Variants in RBFOX1 observed in about 807,000 individuals in gnomAD.
RBFOX1 encodes RNA binding protein fox-1 homolog 1.
Under a neutral mutation model 57.7 loss-of-function variants are expected in RBFOX1, and 8 were observed. The observed-to-expected ratio is 0.14, with a 90% CI of 0.08 to 0.25. The LOEUF (loss-of-function observed/expected upper bound fraction) is 0.25, where lower values mean the gene tolerates loss of function less well. Ranked by LOEUF, RBFOX1 falls within the 10% of genes least tolerant of loss-of-function variation. The pLI, the probability that RBFOX1 is intolerant of heterozygous loss-of-function variation, is 1.00. For synonymous variants in RBFOX1, 326 were observed against 222.4 expected, an observed-to-expected ratio of 1.47 and a Z score of -4.15; for missense variants, 611 against 548.5, an observed-to-expected ratio of 1.11 and a Z score of -1.14.
At chr16:6,960,430 G>A (rs1013994720) in intron 3 of RBFOX1, among the ~76,000 whole-genome samples, 1 of 152,198 alleles carries the variant, frequency 6.6e-6, no homozygotes, top group South Asian at 2.1e-4. Flanking sequence ...CCCTGTACCC[G>A]GTTACAGGAA....
At chr16:7,169,692 T>C (rs1265789324) in intron 4 of RBFOX1, among the ~76,000 whole-genome samples, 1 of 152,230 alleles carries the variant, frequency 6.6e-6, no homozygotes, top group African/African-American at 2.4e-5. Flanking sequence ...ACTACACCAA[T>C]GTCAAGACTA....
intron 4 of RBFOX1, among the ~76,000 whole-genome samples, chr16:7,290,065 CTG>C (rs1293768750): frequency 2.0e-5 from 3 of 152,202 alleles, no homozygotes; most frequent in African/African-American, 7.2e-5. Context: ...TGGCACACCA[CTG>C]TTTCTCAGAT....
Position 5,946,383 on chromosome 16 carries a change from G to T in RBFOX1, c.351+79048G>T, listed in dbSNP as rs1258841819. Among the ~76,000 whole-genome samples the T allele has an allele frequency of 6.6e-6, 1 of 152,072 alleles. No homozygotes were observed. Among genetic ancestry groups the T allele is most frequent in the Non-Finnish European group, 1.5e-5 (1 of 68,024 alleles). On this transcript the variant is annotated intron_variant, in intron 4 of 19. Transcript: ENST00000641259. The surrounding 1 kb of genome is among the most constrained non-coding windows in gnomAD (Gnocchi z 4.6). The stretch of plus-strand genomic sequence containing the variant: ...TTCCTTTTCTTTTCGTTTGCTCATG[G>T]ATGTTTATCAAACACCAACCAAGTG...
chr16:6,617,112 T>C (rs2098153956), intron 2 of RBFOX1, among the ~76,000 whole-genome samples: 1 of 152,052 alleles, frequency 6.6e-6, no homozygotes, highest in Admixed American at 6.5e-5. Flanking sequence ...ACGAAGAGTT[T>C]TGGAAGACGT....
intron 4 of RBFOX1, among the ~76,000 whole-genome samples, chr16:7,180,143 T>A (rs2082416514): frequency 6.6e-6 from 1 of 152,154 alleles, no homozygotes; most frequent in Non-Finnish European, 1.5e-5. Flanking sequence ...GTGTTAGCCA[T>A]TTTCTGCCTT....
At chr16:7,205,410 C>T (rs573562185) in intron 4 of RBFOX1, among the ~76,000 whole-genome samples, 38 of 150,910 alleles carry the variant, frequency 2.5e-4, no homozygotes, top group Middle Eastern at 3.4e-3. Context: ...CCCAGCTACT[C>T]GGGAGGCTAA....
At chr16:7,115,169 A>G (rs1457539918) in intron 4 of RBFOX1, among the ~76,000 whole-genome samples, 4 of 152,204 alleles carry the variant, frequency 2.6e-5, no homozygotes, top group South Asian at 2.1e-4. Flanking sequence ...TGCAACTTTT[A>G]TAAAGAAACC....
At chr16:6,824,295 C>G (rs1052173176) in intron 3 of RBFOX1, among the ~76,000 whole-genome samples, 10 of 152,120 alleles carry the variant, frequency 6.6e-5, no homozygotes, top group African/African-American at 2.4e-4. Flanking sequence ...ATCCCGGCTA[C>G]TCATGGAGGC....
intron 3 of RBFOX1, among the ~76,000 whole-genome samples, chr16:6,822,952 T>A (rs896744318): frequency 1.8e-4 from 27 of 152,170 alleles, no homozygotes; most frequent in African/African-American, 6.5e-4. Flanking sequence ...CCATTAGAGT[T>A]CATGGACAAA....
chr16:7,667,604 A>G (rs2145851415), intron 13 of RBFOX1, among the ~76,000 whole-genome samples: 1 of 152,332 alleles, frequency 6.6e-6, no homozygotes, highest in African/African-American at 2.4e-5. Context: ...CACAATAAAT[A>G]GGTTTAGGGC....
At chr16:5,949,632 A>G (rs2059479238) in intron 4 of RBFOX1, among the ~76,000 whole-genome samples, 1 of 151,530 alleles carries the variant, frequency 6.6e-6, no homozygotes. Context: ...TGGGTCACCC[A>G]CTCTTTTCTT....
At chr16:6,796,727 C>T (rs1261762868) in intron 3 of RBFOX1, among the ~76,000 whole-genome samples, 1 of 152,158 alleles carries the variant, frequency 6.6e-6, no homozygotes, top group Non-Finnish European at 1.5e-5. Flanking sequence ...CTCCTGGGTA[C>T]ACATTTATGA....
chr16:5,734,513 T>C (rs1262450315), intron 3 of RBFOX1, among the ~76,000 whole-genome samples: 5 of 152,340 alleles, frequency 3.3e-5, no homozygotes, highest in African/African-American at 1.2e-4. Flanking sequence ...CTAAGCCCCA[T>C]GGAGTGTTGC....
Position 6,829,056 on chromosome 16 carries a change from C to T in RBFOX1, c.-16+174406C>T, listed in dbSNP as rs754302245. 2.0e-5 allele frequency among the ~76,000 whole-genome samples: 3 copies of T among 152,170 alleles called. No homozygotes were observed. The East Asian group carries it at 5.8e-4, about 30-fold the overall frequency. ...TGAGACGGTGTCAAGAGCCTGGACA[C>T]CTGCCGGGATCAGGGTCCCACCAGC... On this transcript the variant is annotated intron_variant, in intron 3 of 15. Coordinates refer to ENST00000550418, the MANE Select transcript of RBFOX1 (RefSeq NM_018723.4).
rs190507897 is a variant in RBFOX1 at position 5,787,514 on chromosome 16, C to T, written c.319-79789C>T. Among the ~76,000 whole-genome samples, 135 of 152,272 alleles carry T rather than the reference C, an allele frequency of 8.9e-4. 1 individual carries two copies. Among genetic ancestry groups the T allele is most frequent in the African/African-American group, 3.1e-3 (129 of 41,550 alleles). ...AGGGGATGACACTGTATAAACCTGA[C>T]CCCATACTCAAGGACAGTATGGTTT... is the stretch of plus-strand genomic sequence containing the variant. On this transcript the variant is annotated intron_variant, in intron 3 of 19. Transcript: ENST00000641259.
At chr16:5,487,992 G>T (rs144002081) in intron 2 of RBFOX1, among the ~76,000 whole-genome samples, 207 of 152,156 alleles carry the variant, frequency 1.4e-3, no homozygotes, top group Middle Eastern at 6.8e-3. Flanking sequence ...ATGTAATCAT[G>T]ATGGAAGATA....
intron 2 of RBFOX1, among the ~76,000 whole-genome samples, chr16:5,594,166 G>C (rs974940493): frequency 1.3e-5 from 2 of 152,192 alleles, no homozygotes; most frequent in African/African-American, 4.8e-5. Context: ...AGGAAGCTTT[G>C]ATTGGCCATG....
chr16:5,293,807 G>A (rs947031903), intron 1 of RBFOX1, among the ~76,000 whole-genome samples: 5 of 151,666 alleles, frequency 3.3e-5, no homozygotes, highest in African/African-American at 9.7e-5. Flanking sequence ...TTGGGGGGGC[G>A]GGGGGTGTTA....
At chr16:6,448,382 C>G (rs2153040135) in intron 2 of RBFOX1, among the ~76,000 whole-genome samples, 1 of 152,086 alleles carries the variant, frequency 6.6e-6, no homozygotes, top group East Asian at 1.9e-4. Flanking sequence ...TGGTCTTGAA[C>G]TCGTGACCTT....
Sources: allele counts gnomAD v4.1 joint callset (sites outside exome capture counted in the v4.1 genomes callset), GRCh38; gene constraint gnomAD v4.1.1; non-coding constraint Gnocchi (gnomAD v3.1); transcripts MANE v1.5; gene names NCBI Gene and HGNC (gene_info 2026-07-23, HGNC 2026-07-21).